The following ADAMTS17 variants were observed in gnomAD, a reference collection of about 807,000 sequenced individuals.
The protein encoded by ADAMTS17 is ADAM metallopeptidase with thrombospondin type 1 motif 17.
In ADAMTS17, 113 loss-of-function variants were observed where a neutral mutation model predicts 141.5. The ratio of observed to expected loss-of-function variants is 0.80; its 90% CI spans 0.69 to 0.93. The LOEUF (loss-of-function observed/expected upper bound fraction) is 0.93. Among genes scored for constraint, ADAMTS17 ranks in the 40% least tolerant of loss-of-function variants. ADAMTS17 has a pLI of 0.00. For missense variants in ADAMTS17, 1,659 were observed against 1,517.9 expected (o/e 1.09, Z -1.54); for synonymous variants, 768 against 630.6 (o/e 1.22, Z -3.27).
chr15:100,024,525 A>G (rs1446585722), intron 18 of ADAMTS17, among the ~76,000 whole-genome samples: 1 of 152,154 alleles, frequency 6.6e-6, no homozygotes, highest in Non-Finnish European at 1.5e-5. Flanking sequence ...CAAAGTGTTG[A>G]GCAACATCAT....
chr15:99,988,965 A>G (rs2117805), intron 20 of ADAMTS17, among the ~76,000 whole-genome samples: 15,985 of 152,140 alleles, frequency 0.11, 2,553 homozygotes, highest in African/African-American at 0.35. Flanking sequence ...AGGTATGTAC[A>G]AAAGCAAAAG....
chr15:100,148,094 T>G (rs746548136), intron 10 of ADAMTS17, among the ~76,000 whole-genome samples: 4 of 152,254 alleles, frequency 2.6e-5, no homozygotes, highest in South Asian at 2.1e-4. Flanking sequence ...TTGAGTACAC[T>G]GGGCCACCCA....
At chr15:100,218,829 C>T (rs1044697082) in intron 7 of ADAMTS17, among the ~76,000 whole-genome samples, 1 of 152,068 alleles carries the variant, frequency 6.6e-6, no homozygotes, top group Non-Finnish European at 1.5e-5. Flanking sequence ...AACTCAAATA[C>T]GCATCACTGA....
chr15:99,977,380 ATATATATATATATATATATAATTTT>A (rs1164051308), intron 20 of ADAMTS17, among the ~76,000 whole-genome samples: 4 of 24,884 alleles, frequency 1.6e-4, no homozygotes, highest in African/African-American at 9.3e-4. Context: ...ATATATATAT[ATATATATATATATATATATAATTTT>A]TTTTTTTTTT....
At chr15:100,235,717 C>T (rs1393150727) in intron 7 of ADAMTS17, among the ~76,000 whole-genome samples, 1 of 152,176 alleles carries the variant, frequency 6.6e-6, no homozygotes. Context: ...CGGAGGACTT[C>T]CAGGGCCCTC....
intron 7 of ADAMTS17, among the ~76,000 whole-genome samples, chr15:100,232,079 G>C (rs571078513): frequency 6.6e-6 from 1 of 152,200 alleles, no homozygotes; most frequent in Non-Finnish European, 1.5e-5. Context: ...GTCAAGACCT[G>C]TTTTCCCTCA....
intron 15 of ADAMTS17, among the ~76,000 whole-genome samples, chr15:100,085,244 G>A (rs2035020425): frequency 6.6e-6 from 1 of 152,140 alleles, no homozygotes; most frequent in Admixed American, 6.5e-5. Flanking sequence ...AAGGGTATCA[G>A]CGATGGAAGA....
At chr15:100,266,874 G>A (rs1466700866) in intron 4 of ADAMTS17, among the ~76,000 whole-genome samples, 1 of 152,082 alleles carries the variant, frequency 6.6e-6, no homozygotes, top group East Asian at 1.9e-4. Flanking sequence ...ATGAGCTCCG[G>A]AGGATGAGAC....
In ADAMTS17 at chr15:99,974,128, A is replaced by C. The variant is rs1202024308; in HGVS notation, c.*274T>G. The C allele has an allele frequency of 3.8e-6, 2 of 522,794 alleles. No individual in the cohort carries two copies. The highest frequency in any genetic ancestry group is 6.4e-5 in the Admixed American group (2 of 31,436). The allele number at this position is 522,794 out of a possible 1,614,324, so 32.4% of individuals were successfully genotyped here. Reference sequence around the variant, plus strand: ...CTCTCTCTTGACGGTTGTCTGCCAGAGGTGCTTCCCTTCGAGGTACCTGAA... The same window carrying C: ...CTCTCTCTTGACGGTTGTCTGCCAGCGGTGCTTCCCTTCGAGGTACCTGAA... On this transcript the variant is annotated 3_prime_UTR_variant, in exon 22 of 22. Transcript: ENST00000268070.
intron 7 of ADAMTS17, among the ~76,000 whole-genome samples, chr15:100,200,821 G>A (rs1485566712): frequency 2.6e-5 from 4 of 152,130 alleles, no homozygotes; most frequent in African/African-American, 9.7e-5. Context: ...CTGTCGAGCT[G>A]CACCTGCTCT....
chr15:100,195,963 A>G (rs2041100142), intron 8 of ADAMTS17, among the ~76,000 whole-genome samples: 1 of 152,230 alleles, frequency 6.6e-6, no homozygotes, highest in Non-Finnish European at 1.5e-5. Flanking sequence ...TGTAAAGTAA[A>G]ACCTATATAA....
At chr15:100,052,780 C>A (rs1401851560) in intron 16 of ADAMTS17, among the ~76,000 whole-genome samples, 1 of 152,190 alleles carries the variant, frequency 6.6e-6, no homozygotes, top group Non-Finnish European at 1.5e-5. Context: ...AACCTACTTG[C>A]AGGAACGTAT....
intron 16 of ADAMTS17, 22 bp from the exon 17 acceptor site, chr15:100,051,753 A>G (rs774693098): frequency 1.2e-6 from 2 of 1,614,142 alleles, no homozygotes; most frequent in South Asian, 1.1e-5. Context: ...GCAAAACAAA[A>G]GGCCATTTTG....
intron 14 of ADAMTS17, among the ~76,000 whole-genome samples, chr15:100,101,221 C>A (rs2036078965): frequency 6.6e-6 from 1 of 152,186 alleles, no homozygotes; most frequent in South Asian, 2.1e-4. Flanking sequence ...ATGCCACCTG[C>A]TCACTGTCCT....
intron 18 of ADAMTS17, among the ~76,000 whole-genome samples, chr15:100,047,979 C>T (rs2031844085): frequency 6.6e-6 from 1 of 152,062 alleles, no homozygotes; most frequent in Non-Finnish European, 1.5e-5. Context: ...TCTTTTTTTC[C>T]TTCCTGTCTC....
Position 99,974,220 on chromosome 15 carries a change from T to G in ADAMTS17, c.*182A>C. 3 of 706,724 alleles carry G rather than the reference T, an allele frequency of 4.2e-6. No individual in the cohort carries two copies. The highest frequency in any genetic ancestry group is 7.1e-6 in the Non-Finnish European group (3 of 421,476). 43.8% of individuals were successfully genotyped at this position (706,724 alleles called of 1,614,324 possible). Reference sequence around the variant, plus strand: ...CTCCTCACTGTAGAAAGCCAGCCAGTGGCTGTTAACAATATATTAAGTACG... The same window carrying G: ...CTCCTCACTGTAGAAAGCCAGCCAGGGGCTGTTAACAATATATTAAGTACG... On this transcript the variant is annotated 3_prime_UTR_variant, in exon 22 of 22. Coordinates refer to ENST00000268070, the MANE Select transcript of ADAMTS17 (RefSeq NM_139057.4).
chr15:100,155,113 C>G (rs1391516854), intron 9 of ADAMTS17, 67 bp downstream of exon 9: 1 of 1,610,832 alleles, frequency 6.2e-7, no homozygotes, highest in Non-Finnish European at 8.5e-7. Context: ...TGCTGAGACT[C>G]CAATACTTTT....
chr15:100,136,337 G>A (rs1348463322), intron 10 of ADAMTS17, among the ~76,000 whole-genome samples: 2 of 152,216 alleles, frequency 1.3e-5, no homozygotes, highest in Non-Finnish European at 2.9e-5. Flanking sequence ...AAACGGGAAT[G>A]ACAGCAAAGG....
intron 20 of ADAMTS17, chr15:99,978,412 T>C (rs1300440347): frequency 6.6e-6 from 1 of 152,256 alleles, no homozygotes; most frequent in African/African-American, 2.4e-5. Flanking sequence ...AGCTCCCTAG[T>C]GGGCCCCCGG....
Sources: allele counts gnomAD v4.1 joint callset (sites outside exome capture counted in the v4.1 genomes callset), GRCh38; gene constraint gnomAD v4.1.1; transcripts MANE v1.5; gene names NCBI Gene and HGNC (gene_info 2026-07-23, HGNC 2026-07-21).